MED27: variants seen among roughly 807,000 people sequenced by gnomAD.
MED27 encodes the protein mediator of RNA polymerase II transcription subunit 27.
A neutral mutation model predicts 38.2 loss-of-function variants in MED27; 30 were observed. The observed-to-expected ratio is 0.79, with a 90% CI of 0.59 to 1.07. The LOEUF (loss-of-function observed/expected upper bound fraction) is 1.07, where lower values mean the gene tolerates loss of function less well. Among genes scored for constraint, MED27 ranks in the 50% least tolerant of loss-of-function variants. The probability of loss-of-function intolerance (pLI) is 0.00; values close to 1 mark genes in which losing one functional copy is unlikely to be tolerated. For missense variants in MED27, 289 were observed against 397.5 expected (o/e 0.73, Z 2.32); for synonymous variants, 122 against 153.5 (o/e 0.79, Z 1.52).
chr9:132,038,366 G>C (rs1280960443), intron 2 of MED27, among the ~76,000 whole-genome samples: 1 of 151,220 alleles, frequency 6.6e-6, no homozygotes, highest in African/African-American at 2.4e-5. Context: ...TAATTTTTTT[G>C]TATTTTTAGT....
intron 3 of MED27, among the ~76,000 whole-genome samples, chr9:131,961,801 GCT>G (rs1014294733): frequency 5.3e-5 from 8 of 151,640 alleles, no homozygotes; most frequent in African/African-American, 1.7e-4. Context: ...GCCTTCTTCT[GCT>G]CTCTCTCTCT....
At chr9:131,927,211 G>A (rs981145464) in intron 4 of MED27, among the ~76,000 whole-genome samples, 7 of 152,166 alleles carry the variant, frequency 4.6e-5, no homozygotes, top group South Asian at 2.1e-4. Flanking sequence ...AAACAGCCCC[G>A]AAACAGAGCA....
intron 3 of MED27, among the ~76,000 whole-genome samples, chr9:131,961,256 G>C (rs1831208893): frequency 6.6e-6 from 1 of 152,216 alleles, no homozygotes; most frequent in African/African-American, 2.4e-5. Flanking sequence ...ATATGTCGCA[G>C]CAGGCAAGAA....
intron 4 of MED27, among the ~76,000 whole-genome samples, chr9:131,903,954 G>A (rs552646437): frequency 1.3e-5 from 2 of 150,296 alleles, no homozygotes; most frequent in East Asian, 3.9e-4. Context: ...GCTGGAGTGC[G>A]GTGGCGTGAT....
chr9:132,072,638 C>A (rs769820513), intron 2 of MED27, among the ~76,000 whole-genome samples: 1 of 151,992 alleles, frequency 6.6e-6, no homozygotes, highest in East Asian at 1.9e-4. Context: ...AAACTCACTA[C>A]GCTAGCAAGT....
intron 3 of MED27, among the ~76,000 whole-genome samples, chr9:131,964,166 T>C (rs1831281882): frequency 6.6e-6 from 1 of 151,882 alleles, no homozygotes. Context: ...AAATGAAGAT[T>C]GTAGTTGCAC....
intron 2 of MED27, among the ~76,000 whole-genome samples, chr9:132,053,949 CAGATT>C (rs1312075421): frequency 1.3e-5 from 2 of 150,988 alleles, no homozygotes; most frequent in Non-Finnish European, 1.5e-5. Flanking sequence ...ACAAAATTAA[CAGATT>C]AGATAAGTGA....
At chr9:131,935,645 T>A (rs1167298065) in intron 4 of MED27, among the ~76,000 whole-genome samples, 1 of 152,114 alleles carries the variant, frequency 6.6e-6, no homozygotes, top group African/African-American at 2.4e-5. Flanking sequence ...TACAGGCACA[T>A]GTGGCAAATT....
intron 4 of MED27, among the ~76,000 whole-genome samples, chr9:131,931,116 G>A (rs115660798): frequency 0.011 from 1,714 of 152,026 alleles, 8 homozygotes; most frequent in African/African-American, 0.023. Flanking sequence ...GTGGTGGTGC[G>A]GATCTGTGGT....
intron 4 of MED27, among the ~76,000 whole-genome samples, chr9:131,918,242 AT>A (rs1830328476): frequency 6.6e-6 from 1 of 152,200 alleles, no homozygotes; most frequent in Non-Finnish European, 1.5e-5. Context: ...GAGTCTGATG[AT>A]TTGGGCACAT....
intron 2 of MED27, among the ~76,000 whole-genome samples, chr9:132,035,113 G>A (rs532508639): frequency 6.6e-6 from 1 of 152,256 alleles, no homozygotes; most frequent in Non-Finnish European, 1.5e-5. Flanking sequence ...GCAATAAAGG[G>A]GAAGGTGTTC....
Position 131,883,598 on chromosome 9 carries a change from T to C in MED27, c.723+460A>G, listed in dbSNP as rs566453374. ...CCTTGGCCCATCCCTTGGGCACCAG[T>C]GGAGACCGCTAGGGCTCTGAGAAAC... On this transcript the variant is annotated intron_variant, in intron 6 of 7. Transcript: ENST00000292035. The surrounding 1 kb of genome is among the most constrained non-coding windows in gnomAD (Gnocchi z 4.2). Among the ~76,000 whole-genome samples, 2 of 152,278 alleles carry C rather than the reference T, an allele frequency of 1.3e-5. No homozygotes were observed. Among genetic ancestry groups the C allele is most frequent in the South Asian group, 2.1e-4 (1 of 4,822 alleles).
intron 4 of MED27, among the ~76,000 whole-genome samples, chr9:131,907,267 G>C (rs1032931084): frequency 6.6e-6 from 1 of 152,036 alleles, no homozygotes. Context: ...CTCTGATGCC[G>C]AGCCGAAGCT....
At chr9:132,014,874 G>T (rs1012685802) in intron 2 of MED27, among the ~76,000 whole-genome samples, 1 of 152,286 alleles carries the variant, frequency 6.6e-6, no homozygotes, top group Non-Finnish European at 1.5e-5. Flanking sequence ...AGTAGAATTC[G>T]AGTGATTTTT....
intron 4 of MED27, among the ~76,000 whole-genome samples, chr9:131,902,258 T>C (rs1422713837): frequency 6.6e-6 from 1 of 152,064 alleles, no homozygotes; most frequent in African/African-American, 2.4e-5. Context: ...AGCTGCTAGG[T>C]ATGTGTAGCC....
intron 2 of MED27, among the ~76,000 whole-genome samples, chr9:132,022,307 A>G (rs1463916207): frequency 1.3e-5 from 2 of 152,222 alleles, no homozygotes; most frequent in Admixed American, 6.5e-5. Context: ...GACTCAAGAA[A>G]AACAGATTGT....
intron 4 of MED27, among the ~76,000 whole-genome samples, chr9:131,922,324 G>A (rs895165795): frequency 6.6e-6 from 1 of 152,008 alleles, no homozygotes; most frequent in Non-Finnish European, 1.5e-5. Context: ...AATCAGTGTG[G>A]ACTCAAGGAT....
Sources: gnomAD v4.1 joint callset for allele counts (sites outside exome capture counted in the v4.1 genomes callset) on GRCh38, gnomAD v4.1.1 for gene constraint, Gnocchi (gnomAD v3.1) non-coding constraint, MANE v1.5 for transcripts, NCBI Gene and HGNC (gene_info 2026-07-23, HGNC 2026-07-21) for gene names.